The following STMN1 variants were observed in gnomAD, a reference collection of about 807,000 sequenced individuals.
STMN1 encodes the protein stathmin.
Under a neutral mutation model 19.7 loss-of-function variants are expected in STMN1, and 3 were observed. That is an observed-to-expected ratio of 0.15 (90% CI 0.07 to 0.39). STMN1 has a LOEUF of 0.39. STMN1 is among the 10% of genes least tolerant of loss of function. STMN1 has a pLI of 1.00. For missense variants in STMN1, 99 were observed against 176.0 expected, an observed-to-expected ratio of 0.56 and a Z score of 2.48; for synonymous variants, 59 against 58.9, an observed-to-expected ratio of 1.00 and a Z score of -0.01.
At chr1:25,894,637 AC>A (rs2048803339) in intron 4 of STMN1, among the ~76,000 whole-genome samples, 1 of 152,166 alleles carries the variant, frequency 6.6e-6, no homozygotes, top group African/African-American at 2.4e-5. Context: ...CTGTGTTTGC[AC>A]CACTGCACTC....
chr1:25,902,953 A>T (rs2048892877), intron 3 of STMN1: 1 of 152,264 alleles, frequency 6.6e-6, no homozygotes, highest in Non-Finnish European at 1.5e-5. Flanking sequence ...ATGAAAAGTT[A>T]TGTACAGTTG....
intron 4 of STMN1, 39 bp downstream of exon 4, chr1:25,901,452 A>C: frequency 1.3e-6 from 2 of 1,562,892 alleles, no homozygotes; most frequent in Non-Finnish European, 8.6e-7. Context: ...TGGTGCATCA[A>C]ACTCCAAGCT....
chr1:25,906,826 G>C (rs1440289158), upstream of STMN1: 1 of 152,506 alleles, frequency 6.6e-6, no homozygotes, highest in African/African-American at 2.4e-5. The surrounding 1 kb of genome is among the most constrained non-coding windows in gnomAD (Gnocchi z 4.5). Context: ...ACCTTGTAGA[G>C]CCACATGCCC....
intron 4 of STMN1, among the ~76,000 whole-genome samples, chr1:25,886,298 C>T (rs893265354): frequency 6.6e-6 from 1 of 152,178 alleles, no homozygotes; most frequent in Non-Finnish European, 1.5e-5. Context: ...AAATCCAAAA[C>T]TCAGGCAGTG....
chr1:25,885,506 C>T (rs1305004264), exon 5 of STMN1: 1 of 540,204 alleles, frequency 1.9e-6, no homozygotes, highest in Non-Finnish European at 3.0e-6. Flanking sequence ...GTCCTTACAA[C>T]AAACCACAAG....
Position 25,903,731 on chromosome 1 carries a change from A to G in STMN1, c.96T>C (p.Val32=). 1.2e-6 allele frequency: 2 copies of G among 1,614,038 alleles called. No homozygotes were observed. Among genetic ancestry groups the G allele is most frequent in the Non-Finnish European group, 1.7e-6 (2 of 1,180,028 alleles). The change falls in exon 3 of 5, where the codon GTT becomes GTC. Residue 32 remains valine, a synonymous_variant. Coordinates refer to ENST00000455785, the MANE Select transcript of STMN1 (RefSeq NM_005563.4). The stretch of plus-strand genomic sequence containing the variant: ...TTGGAGGGGAAAGGGGGAATTCTGG[A>G]ACAGATTCTTTTGACCGAGGGCTGA... ...LILSPRSKES[V]PEFPLSPPKK...
chr1:25,900,920 A>G lies in STMN1; in HGVS notation c.*96T>C, dbSNP rs533950361. ...ATACAGTCCTACATTAGCTTCTAAA[A>G]TATTTGTCAGGAGGGAAAAAATAAA... On this transcript the variant is annotated 3_prime_UTR_variant, in exon 5 of 5. Transcript: ENST00000455785. 5.0e-6 allele frequency: 8 copies of G among 1,599,318 alleles called. No homozygotes were observed. The East Asian group carries it at 8.9e-5, about 18-fold the overall frequency.
At position 25,893,392 on chromosome 1, in the gene STMN1, G is replaced by A. The variant is rs374641310; in HGVS notation, c.379-7523C>T. 8.2e-4 allele frequency among the ~76,000 whole-genome samples: 125 copies of A among 152,224 alleles called. 2 individuals carry two copies. The East Asian group carries it at 0.014, about 17-fold the overall frequency. ...TCAGGAGACCTTCTAAGAGCACAAG[G>A]TTCCTGTACCACGACTCCCTCCAGC... On this transcript the variant is annotated intron_variant, in intron 4 of 4. Transcript: ENST00000426559.
Position 25,900,847 on chromosome 1 carries a change from C to A in STMN1, c.*169G>T. ...AGAGTAAAACACTTTCAGTTTCTCC[C>A]CTTTAGCCCCTAAAACAACATCTTA... On this transcript the variant is annotated 3_prime_UTR_variant, in exon 5 of 5. Coordinates refer to ENST00000455785, the MANE Select transcript of STMN1 (RefSeq NM_005563.4). 1 of 1,416,740 alleles carries A rather than the reference C, an allele frequency of 7.1e-7. No homozygotes were observed. Among genetic ancestry groups the A allele is most frequent in the Non-Finnish European group, 9.2e-7 (1 of 1,084,104 alleles). 87.8% of individuals were successfully genotyped at this position (1,416,740 alleles called of 1,614,324 possible).
chr1:25,905,055 T>C (rs777585446), intron 1 of STMN1: 1 of 210,524 alleles, frequency 4.8e-6, no homozygotes. Flanking sequence ...TCACCGAAAC[T>C]GTAAGAAGAT....
At chr1:25,895,769 T>G (rs112542289), downstream of STMN1, among the ~76,000 whole-genome samples, 121 of 152,370 alleles carry the variant, frequency 7.9e-4, no homozygotes, top group African/African-American at 2.8e-3. Flanking sequence ...CAACATTGGC[T>G]GCAGGCCACC....
chr1:25,895,704 A>G (rs974758726), downstream of STMN1, among the ~76,000 whole-genome samples: 1 of 152,240 alleles, frequency 6.6e-6, no homozygotes, highest in Non-Finnish European at 1.5e-5. Flanking sequence ...TGGAATTGTC[A>G]GCTAATTCAA....
chr1:25,890,738 G>A (rs752930339), intron 4 of STMN1, among the ~76,000 whole-genome samples: 1 of 152,098 alleles, frequency 6.6e-6, no homozygotes, highest in East Asian at 1.9e-4. Flanking sequence ...CAGGGTCTAC[G>A]GGACACACCC....
downstream of STMN1, among the ~76,000 whole-genome samples, chr1:25,898,114 C>CA (rs1435671628): frequency 6.6e-6 from 1 of 152,168 alleles, no homozygotes; most frequent in Admixed American, 6.5e-5. Context: ...TGCAGCCCCC[C>CA]ACATTCAAAA....
At chr1:25,903,971 T>G (rs2048906210) in intron 2 of STMN1, among the ~76,000 whole-genome samples, 158 bp from the exon 3 acceptor site, 1 of 152,226 alleles carries the variant, frequency 6.6e-6, no homozygotes, top group South Asian at 2.1e-4. Context: ...ATCAGTCTAC[T>G]GACACTAGGG....
chr1:25,893,464 A>G (rs2048793851), intron 4 of STMN1, among the ~76,000 whole-genome samples: 1 of 152,202 alleles, frequency 6.6e-6, no homozygotes, highest in Non-Finnish European at 1.5e-5. Flanking sequence ...AGCTCAGGGC[A>G]GGCACACTGC....
At chr1:25,905,046 C>T (rs2048921989) in intron 1 of STMN1, 1 of 222,266 alleles carries the variant, frequency 4.5e-6, no homozygotes, top group Non-Finnish European at 8.9e-6. Flanking sequence ...TTTAACATTT[C>T]ACCGAAACTG....
rs1033962109 is a variant in STMN1, at chr1:25,906,113, A to G, written c.-63+276T>C. On this transcript the variant is annotated intron_variant, in intron 1 of 4. Transcript: ENST00000455785. This position sits in a 1 kb window ranked among gnomAD's most constrained non-coding sequence, Gnocchi z 4.5. Reference sequence around the variant, plus strand: ...AGGTAAACGAGGGCCCACGCCCCCTATTGTCTCCTCGACGGCACCCCGGAG... The same window carrying G: ...AGGTAAACGAGGGCCCACGCCCCCTGTTGTCTCCTCGACGGCACCCCGGAG... The G allele has an allele frequency of 6.6e-5, 10 of 152,008 alleles. No individual in the cohort carries two copies. The highest frequency in any genetic ancestry group is 2.4e-4 in the African/African-American group (10 of 41,368). The allele number at this position is 152,008 out of a possible 1,614,324, so 9.4% of individuals were successfully genotyped here.
intron 3 of STMN1, 27 bp from the exon 4 acceptor site, chr1:25,901,709 G>C (rs2048876327): frequency 6.3e-7 from 1 of 1,591,196 alleles, no homozygotes; most frequent in South Asian, 1.1e-5. Context: ...AATAGGCTAG[G>C]CACTCTAAAA....
Sources: gnomAD v4.1 joint callset for allele counts (sites outside exome capture counted in the v4.1 genomes callset) on GRCh38, gnomAD v4.1.1 for gene constraint, Gnocchi (gnomAD v3.1) non-coding constraint, MANE v1.5 for transcripts, NCBI Gene and HGNC (gene_info 2026-07-23, HGNC 2026-07-21) for gene names.